Variants in ZCCHC2 observed in about 807,000 individuals in gnomAD.
ZCCHC2 encodes the protein zinc finger CCHC domain-containing protein 2.
Under a neutral mutation model 103.6 loss-of-function variants are expected in ZCCHC2, and 39 were observed. The observed-to-expected ratio is 0.38, with a 90% CI of 0.29 to 0.49. ZCCHC2 has a LOEUF of 0.49. Ranked by LOEUF, ZCCHC2 falls within the 20% of genes least tolerant of loss-of-function variation. ZCCHC2 has a pLI of 0.96. For synonymous variants in ZCCHC2, 687 were observed against 608.9 expected (o/e 1.13, Z -1.89); for missense variants, 1,483 against 1,491.0 (o/e 0.99, Z 0.09).
chr18:62,537,303 C>G (rs536231343), intron 1 of ZCCHC2, among the ~76,000 whole-genome samples: 10 of 152,038 alleles, frequency 6.6e-5, no homozygotes, highest in African/African-American at 9.7e-5. Flanking sequence ...CTAACGAGGA[C>G]TACAGGCACA....
chr18:62,564,492 T>A, intron 9 of ZCCHC2, 79 bp from the exon 10 acceptor site: 1 of 1,064,198 alleles, frequency 9.4e-7, no homozygotes, highest in African/African-American at 1.6e-5. Flanking sequence ...GAATCTATCA[T>A]TTTAATGTTT....
In ZCCHC2 at chr18:62,563,104, C is replaced by T. The variant is rs755461119; in HGVS notation, c.1646C>T (p.Thr549Ile). The change falls in exon 9 of 14, where the codon ACC (threonine) becomes ATC (isoleucine). Residue 549 changes from threonine to isoleucine, a missense_variant. Around this residue, in one of 3 missense-constraint regions of ZCCHC2, gnomAD observed 884 missense variants for 907.5 expected, o/e 0.97. Coordinates refer to ENST00000269499, the MANE Select transcript of ZCCHC2 (RefSeq NM_017742.6). Reference protein sequence around the residue: ...IVDWRKQSCTTIQHPEHCVTS... With the variant: ...IVDWRKQSCTIIQHPEHCVTS... ...GATTGGAGGAAGCAAAGCTGTACCA[C>T]CATTCAACACCCAGAGCACTGTGTG... 1.9e-6 allele frequency: 3 copies of T among 1,613,900 alleles called. No homozygotes were observed. Among genetic ancestry groups the T allele is most frequent in the Non-Finnish European group, 8.5e-7 (1 of 1,179,822 alleles).
rs1914163673 is a variant in ZCCHC2, at chr18:62,523,568, G to GCCGCCGCCC, written c.149_150insGCCCCCGCC (p.Pro48_Pro50dup). 1 of 957,540 alleles carries GCCGCCGCCC rather than the reference G, an allele frequency of 1.0e-6. No homozygotes were observed. The highest frequency in any genetic ancestry group is 1.2e-6 in the Non-Finnish European group (1 of 810,396). 59.3% of individuals were successfully genotyped at this position (957,540 alleles called of 1,614,324 possible). A position where few individuals can be genotyped will look rare whatever the true frequency, so the allele number is the denominator to read the frequency against. On this transcript the variant is annotated inframe_insertion, in exon 1 of 14. Transcript: ENST00000269499. ...ACTGCCGCCCCCCGCCGCCGCCGCC[G>GCCGCCGCCC]CCGCCCGCGGGCCCGTCGCGGGGCC...
rs1407213541 is a variant in ZCCHC2, at chr18:62,574,867, C to T, written c.2786C>T (p.Pro929Leu). 1 of 1,613,898 alleles carries T rather than the reference C, an allele frequency of 6.2e-7. No homozygotes were observed. Among genetic ancestry groups the T allele is most frequent in the Admixed American group, 1.7e-5 (1 of 60,030 alleles). ...TCTCCCCTTGCTGCCGGCGTGTTAC[C>T]CAGCCAGAACTCCAGTGTGCTCAGC... ...PGSPLAAGVL[P>L]SQNSSVLSTA... The change falls in exon 13 of 14, where the codon CCC becomes CTC. Residue 929 changes from proline (P) to leucine (L), a missense_variant. Coordinates refer to ENST00000269499, the MANE Select transcript of ZCCHC2 (RefSeq NM_017742.6).
rs1041585800 is a variant in ZCCHC2, at chr18:62,524,246, C to G, written c.822C>G (p.Phe274Leu). The G allele has an allele frequency of 6.5e-7, 1 of 1,550,216 alleles. No homozygotes were observed. Among genetic ancestry groups the G allele is most frequent in the South Asian group, 1.2e-5 (1 of 84,060 alleles). Reference protein sequence around the residue: ...TMASLHPAFSFHQRVTLREHL... With the variant: ...TMASLHPAFSLHQRVTLREHL... ...CCTCGCTGCACCCGGCTTTCTCCTT[C>G]CACCAGCGGGTCACCCTGAGGGAAC... Residue 274 changes from phenylalanine (F) to leucine (L), a missense_variant, in exon 1 of 14, where the codon TTC becomes TTG. This residue lies in a region of ZCCHC2 where 568 missense variants were observed against 525.1 expected (regional missense o/e 1.08). Coordinates refer to ENST00000269499, the MANE Select transcript of ZCCHC2 (RefSeq NM_017742.6).
chr18:62,529,432 A>C (rs952730354), intron 1 of ZCCHC2, among the ~76,000 whole-genome samples: 11 of 152,174 alleles, frequency 7.2e-5, no homozygotes, highest in African/African-American at 2.7e-4. Context: ...GTGAAAGCTC[A>C]GCCTTGTGTG....
In ZCCHC2 at chr18:62,574,120, C is replaced by G. The variant is rs773642029; in HGVS notation, c.2039C>G (p.Ser680Cys). The stretch of plus-strand genomic sequence containing the variant: ...ACAACTAGGTTTACAGGTTACGGTT[C>G]TGTCAACCAGACTGTCACTGTCAAG... ...PSTTRFTGYG[S>C]VNQTVTVKPP... is the part of the protein sequence containing the mutation. The change falls in exon 13 of 14, where the codon TCT (serine) becomes TGT (cysteine). Residue 680 changes from serine (S) to cysteine (C), a missense_variant. By Grantham distance (112) the Ser-to-Cys change is moderately radical (BLOSUM62 -1). Transcript: ENST00000269499. The G allele has an allele frequency of 6.2e-7, 1 of 1,614,030 alleles. No individual in the cohort carries two copies. The highest frequency in any genetic ancestry group is 1.1e-5 in the South Asian group (1 of 91,072).
At chr18:62,535,036 G>A (rs552360556) in intron 1 of ZCCHC2, among the ~76,000 whole-genome samples, 1 of 152,302 alleles carries the variant, frequency 6.6e-6, no homozygotes, top group East Asian at 1.9e-4. Flanking sequence ...GTGCTAGAAG[G>A]CATGGAAGCT....
chr18:62,539,144 C>CA (rs1915064312), intron 1 of ZCCHC2, among the ~76,000 whole-genome samples: 1 of 152,172 alleles, frequency 6.6e-6, no homozygotes, highest in Non-Finnish European at 1.5e-5. Flanking sequence ...TGAGCAAACT[C>CA]AGTTAGGTTT....
chr18:62,548,095 A>G (rs1394093672), intron 4 of ZCCHC2, among the ~76,000 whole-genome samples: 1 of 152,174 alleles, frequency 6.6e-6, no homozygotes, highest in Non-Finnish European at 1.5e-5. Flanking sequence ...AACTTTTGTA[A>G]TAGCTAGGTA....
At chr18:62,526,879 C>G (rs1430246648) in intron 1 of ZCCHC2, 1 of 151,988 alleles carries the variant, frequency 6.6e-6, no homozygotes, top group Non-Finnish European at 1.5e-5. Flanking sequence ...TTGGCCTCTT[C>G]CCGCGGAGGC....
intron 1 of ZCCHC2, chr18:62,524,789 T>G: frequency 7.1e-5 from 12 of 168,056 alleles, no homozygotes; most frequent in East Asian, 1.6e-4. Flanking sequence ...AGCGCCGTCC[T>G]TCCCCGCCTG....
intron 7 of ZCCHC2, among the ~76,000 whole-genome samples, chr18:62,559,435 A>G (rs1476340872): frequency 3.3e-5 from 5 of 152,238 alleles, no homozygotes; most frequent in Non-Finnish European, 7.3e-5. Context: ...GCAAATGGAA[A>G]CAGGTGTCAT....
chr18:62,535,029 C>T (rs1403942796), intron 1 of ZCCHC2, among the ~76,000 whole-genome samples: 1 of 152,204 alleles, frequency 6.6e-6, no homozygotes, highest in Non-Finnish European at 1.5e-5. Context: ...GCTGCAGGTG[C>T]TAGAAGGCAT....
chr18:62,543,820 C>T (rs1182514991), intron 3 of ZCCHC2, among the ~76,000 whole-genome samples: 3 of 152,214 alleles, frequency 2.0e-5, no homozygotes, highest in Admixed American at 6.5e-5. Flanking sequence ...CCTGTGAACT[C>T]AGTCAGCGGA....
Position 62,523,391 on chromosome 18 carries a change from C to A in ZCCHC2, c.-34C>A, listed in dbSNP as rs1405138238. On this transcript the variant is annotated 5_prime_UTR_variant, in exon 1 of 14. Transcript: ENST00000269499. ...CCACCTCGCGGCCCCTCCCGCCCGC[C>A]CCCGCTCGCATGTCTGCGCCGCCCT... 5.8e-6 allele frequency: 6 copies of A among 1,027,320 alleles called. No individual in the cohort carries two copies. In the African/African-American group the frequency reaches 1.0e-4, roughly 18 times the overall value. The allele number at this position is 1,027,320 out of a possible 1,614,324, so 63.6% of individuals were successfully genotyped here.
chr18:62,531,108 A>G (rs1005229999), intron 1 of ZCCHC2, among the ~76,000 whole-genome samples: 1 of 152,118 alleles, frequency 6.6e-6, no homozygotes, highest in African/African-American at 2.4e-5. Flanking sequence ...CTGTCAAGGC[A>G]GACTGAACTT....
At chr18:62,524,456 C>T (rs919970366) in intron 1 of ZCCHC2, 93 bp downstream of exon 1, 17 of 1,397,650 alleles carry the variant, frequency 1.2e-5, no homozygotes, top group African/African-American at 1.1e-4. Flanking sequence ...GCCCGAGCCC[C>T]AGCCCGGCGC....
intron 1 of ZCCHC2, among the ~76,000 whole-genome samples, chr18:62,529,443 G>A (rs1006900383): frequency 3.3e-5 from 5 of 152,158 alleles, no homozygotes; most frequent in African/African-American, 9.7e-5. Context: ...GCCTTGTGTG[G>A]ATGGTGGTGG....
Sources: gnomAD v4.1 joint callset for allele counts (sites outside exome capture counted in the v4.1 genomes callset) on GRCh38, gnomAD v4.1.1 for gene constraint, gnomAD v4.1.1 regional missense constraint, MANE v1.5 for transcripts, NCBI Gene and HGNC (gene_info 2026-07-23, HGNC 2026-07-21) for gene names.